Variants in WDR49 observed in about 807,000 individuals in gnomAD.
WDR49 encodes WD repeat domain 49, also known as cilia- and flagella-associated protein 337.
A neutral mutation model predicts 119.5 loss-of-function variants in WDR49; 107 were observed. The ratio of observed to expected loss-of-function variants is 0.90; its 90% CI spans 0.77 to 1.05. The LOEUF is 1.05. Among genes scored for constraint, WDR49 ranks in the 50% least tolerant of loss-of-function variants. The probability of loss-of-function intolerance (pLI) is 0.00; values close to 1 mark genes in which losing one functional copy is unlikely to be tolerated. For missense variants in WDR49, 1,240 were observed against 1,220.5 expected (o/e 1.02, Z -0.24); for synonymous variants, 425 against 418.8 (o/e 1.01, Z -0.18).
intron 16 of WDR49, among the ~76,000 whole-genome samples, chr3:167,513,983 G>C (rs1407497918): frequency 6.6e-6 from 1 of 152,178 alleles, no homozygotes; most frequent in Non-Finnish European, 1.5e-5. Flanking sequence ...GACCTGCAAA[G>C]AGACTTAGAC....
chr3:167,593,565 T>A (rs1715249514), intron 7 of WDR49, among the ~76,000 whole-genome samples: 1 of 152,112 alleles, frequency 6.6e-6, no homozygotes, highest in African/African-American at 2.4e-5. Context: ...GAATTCTCCA[T>A]CTGAATGGTC....
chr3:167,521,823 G>C (rs928578807), intron 16 of WDR49, among the ~76,000 whole-genome samples: 3 of 152,120 alleles, frequency 2.0e-5, no homozygotes, highest in African/African-American at 7.2e-5. Context: ...GATGTGAAGA[G>C]AAGAACGTCT....
intron 10 of WDR49, among the ~76,000 whole-genome samples, chr3:167,540,094 C>T (rs1475034944): frequency 2.0e-5 from 3 of 152,142 alleles, no homozygotes; most frequent in Non-Finnish European, 4.4e-5. Flanking sequence ...AAACTCAGGA[C>T]ATTACAGCAA....
At chr3:167,570,651 C>G (rs1713881941) in intron 8 of WDR49, among the ~76,000 whole-genome samples, 2 of 152,078 alleles carry the variant, frequency 1.3e-5, no homozygotes, top group African/African-American at 4.8e-5. Flanking sequence ...TACATGTATA[C>G]ATAATGGAAT....
chr3:167,542,109 G>A (rs368186568), intron 10 of WDR49, among the ~76,000 whole-genome samples: 8 of 151,702 alleles, frequency 5.3e-5, no homozygotes, highest in East Asian at 1.9e-4. Flanking sequence ...ATACATATGC[G>A]CCCAACATGA....
At chr3:167,627,881 G>T (rs1261007240) in intron 2 of WDR49, among the ~76,000 whole-genome samples, 1 of 152,062 alleles carries the variant, frequency 6.6e-6, no homozygotes, top group African/African-American at 2.4e-5. Flanking sequence ...TTGAAGGTTT[G>T]TGGCAACCTT....
rs1368851910 is a variant in WDR49 at position 167,618,179 on chromosome 3, C to T, written c.958+2250G>A. Among the ~76,000 whole-genome samples, 3 of 152,112 alleles carry T rather than the reference C, an allele frequency of 2.0e-5. No homozygotes were observed. The East Asian group carries it at 5.8e-4, about 29-fold the overall frequency. Reference sequence around the variant, plus strand: ...CAAGTACCACCACTGATCCTTAAAGCTTTTTCTTATGGCTTTTCAGGCTTA... The same window carrying T: ...CAAGTACCACCACTGATCCTTAAAGTTTTTTCTTATGGCTTTTCAGGCTTA... On this transcript the variant is annotated intron_variant, in intron 5 of 18. Transcript: ENST00000682715.
At chr3:167,633,135 G>A (rs1017075863) in intron 2 of WDR49, among the ~76,000 whole-genome samples, 5 of 151,142 alleles carry the variant, frequency 3.3e-5, no homozygotes, top group Non-Finnish European at 4.4e-5. Flanking sequence ...TTTTGGAGGT[G>A]TTCATAATTA....
chr3:167,499,850 T>G (rs1393030620), intron 18 of WDR49, among the ~76,000 whole-genome samples: 2 of 152,138 alleles, frequency 1.3e-5, no homozygotes, highest in African/African-American at 4.8e-5. Flanking sequence ...TTTTGAAAAT[T>G]AAGGTTATTT....
intron 7 of WDR49, among the ~76,000 whole-genome samples, chr3:167,579,336 A>T (rs1254915000): frequency 6.6e-6 from 1 of 152,232 alleles, no homozygotes; most frequent in Non-Finnish European, 1.5e-5. Flanking sequence ...GATATGCCCA[A>T]GAATACAACA....
intron 8 of WDR49, among the ~76,000 whole-genome samples, chr3:167,565,357 A>G (rs1713529713): frequency 7.9e-6 from 1 of 125,892 alleles, no homozygotes; most frequent in Non-Finnish European, 1.6e-5. Flanking sequence ...ACAAGATCAG[A>G]AAAAAAAAAA....
At chr3:167,616,066 T>G (rs114536301) in intron 5 of WDR49, among the ~76,000 whole-genome samples, 2,231 of 152,306 alleles carry the variant, frequency 0.015, 57 homozygotes, top group African/African-American at 0.05. Flanking sequence ...TGGATCTAGA[T>G]AACAGAATTA....
At chr3:167,563,896 T>C (rs1713429655) in intron 8 of WDR49, among the ~76,000 whole-genome samples, 1 of 152,244 alleles carries the variant, frequency 6.6e-6, no homozygotes, top group Non-Finnish European at 1.5e-5. Context: ...AGCTATTATA[T>C]GTTAGCCATT....
At chr3:167,556,379 C>T (rs551155939) in intron 9 of WDR49, among the ~76,000 whole-genome samples, 96 of 152,218 alleles carry the variant, frequency 6.3e-4, no homozygotes, top group Admixed American at 1.3e-3. Context: ...CATCCTCTAC[C>T]GATAAAACCT....
chr3:167,629,821 G>A (rs1222298872), intron 2 of WDR49, among the ~76,000 whole-genome samples: 3 of 152,080 alleles, frequency 2.0e-5, no homozygotes, highest in African/African-American at 4.8e-5. Context: ...GAAATGACAA[G>A]AGAACTCGAA....
At chr3:167,563,588 GGATT>G (rs1713409755) in intron 8 of WDR49, among the ~76,000 whole-genome samples, 1 of 151,956 alleles carries the variant, frequency 6.6e-6, no homozygotes, top group Non-Finnish European at 1.5e-5. Flanking sequence ...AAACATTTTT[GGATT>G]GATTGATTTG....
At chr3:167,621,004 C>A (rs1301235533) in intron 4 of WDR49, among the ~76,000 whole-genome samples, 2 of 151,676 alleles carry the variant, frequency 1.3e-5, no homozygotes, top group Admixed American at 6.6e-5. Context: ...GGTTTCAGAG[C>A]TGCCCTCTCT....
At chr3:167,608,772 T>G (rs540277403) in intron 5 of WDR49, among the ~76,000 whole-genome samples, 1 of 152,238 alleles carries the variant, frequency 6.6e-6, no homozygotes, top group South Asian at 2.1e-4. Flanking sequence ...TGATTTCTTG[T>G]TAATATTCTC....
intron 2 of WDR49, among the ~76,000 whole-genome samples, chr3:167,631,109 C>T (rs1281123239): frequency 1.3e-5 from 2 of 151,738 alleles, no homozygotes; most frequent in East Asian, 3.9e-4. Flanking sequence ...CACACCGGGG[C>T]CTGTCAGGGG....
Sources: allele counts gnomAD v4.1 joint callset (sites outside exome capture counted in the v4.1 genomes callset), GRCh38; gene constraint gnomAD v4.1.1; transcripts MANE v1.5; gene names NCBI Gene and HGNC (gene_info 2026-07-23, HGNC 2026-07-21).